The following ZNF730 variants were observed in gnomAD, a reference collection of about 807,000 sequenced individuals.
The protein encoded by ZNF730 is zinc finger protein 730.
Under a neutral mutation model 12.6 loss-of-function variants are expected in ZNF730, and 12 were observed. That is an observed-to-expected ratio of 0.95 (90% CI 0.61 to 1.54). The LOEUF (loss-of-function observed/expected upper bound fraction) is 1.54. ZNF730 is among the 40% of genes most tolerant of loss of function. ZNF730 has a pLI of 0.00. For synonymous variants in ZNF730, 194 were observed against 195.8 expected (o/e 0.99, Z 0.08); for missense variants, 643 against 583.5 (o/e 1.10, Z -1.05).
intron 1 of ZNF730, chr19:23,126,761 T>A (rs1339841647): frequency 1.8e-5 from 9 of 490,246 alleles, no homozygotes; most frequent in Non-Finnish European, 2.8e-5. Context: ...TCTGACTACA[T>A]AATTGTTGGG....
chr19:23,120,948 T>G (rs144442313), intron 1 of ZNF730, among the ~76,000 whole-genome samples: 20 of 152,356 alleles, frequency 1.3e-4, no homozygotes, highest in Admixed American at 2.6e-4. Flanking sequence ...CTTAATTTCA[T>G]TATTTATTCA....
At chr19:23,108,481 AGCAGC>A (rs969588708) in intron 1 of ZNF730, among the ~76,000 whole-genome samples, 1 of 152,204 alleles carries the variant, frequency 6.6e-6, no homozygotes, top group African/African-American at 2.4e-5. Context: ...GATTTTGAAA[AGCAGC>A]GCTGCCATTG....
intron 1 of ZNF730, chr19:23,095,528 C>CT: frequency 2.5e-6 from 1 of 398,328 alleles, no homozygotes; most frequent in East Asian, 3.6e-5. Context: ...TCACATGACT[C>CT]TCCCCCTCTT....
intron 1 of ZNF730, among the ~76,000 whole-genome samples, chr19:23,079,180 A>G (rs1224239053): frequency 4.0e-5 from 6 of 151,644 alleles, no homozygotes; most frequent in African/African-American, 1.5e-4. Flanking sequence ...TCAATAAGGC[A>G]GAGTTTTGCT....
At chr19:23,076,735 C>T (rs1032066344) in intron 1 of ZNF730, among the ~76,000 whole-genome samples, 2 of 152,184 alleles carry the variant, frequency 1.3e-5, no homozygotes, top group Non-Finnish European at 1.5e-5. Context: ...TTAGGCACCA[C>T]TGGTGGGAGT....
At position 23,091,236 on chromosome 19, in the gene ZNF730, C is replaced by A. The variant is rs992106148; in HGVS notation, c.-94+15849C>A. 8.5e-5 allele frequency among the ~76,000 whole-genome samples: 13 copies of A among 152,288 alleles called. No individual in the cohort carries two copies. In the East Asian group the frequency reaches 1.7e-3, roughly 20 times the overall value. On this transcript the variant is annotated intron_variant, in intron 1 of 2. Transcript: ENST00000593635. ...GAAGTCAAGAATTGAGGTTTAGGAA[C>A]CTCCACCTAGATTTCAGAAAATGTA...
chr19:23,105,108 T>A (rs1970377710), intron 1 of ZNF730, among the ~76,000 whole-genome samples: 1 of 102,074 alleles, frequency 9.8e-6, no homozygotes, highest in Admixed American at 1.2e-4. Context: ...CTGTTATGAT[T>A]TTTTCTTTTC....
chr19:23,125,523 G>A (rs1461907321), intron 1 of ZNF730: 1 of 152,228 alleles, frequency 6.6e-6, no homozygotes, highest in Non-Finnish European at 1.5e-5. Context: ...TTTTAGCAAA[G>A]AGACTGGTGT....
intron 3 of ZNF730, chr19:23,144,320 T>C (rs1489475987): frequency 1.3e-5 from 2 of 152,186 alleles, no homozygotes; most frequent in Non-Finnish European, 2.9e-5. Context: ...GGCTAGACAT[T>C]CTGGGAGTCT....
intron 1 of ZNF730, among the ~76,000 whole-genome samples, chr19:23,084,785 C>T (rs1372013098): frequency 6.6e-6 from 1 of 152,024 alleles, no homozygotes; most frequent in East Asian, 1.9e-4. Flanking sequence ...CTGCAAAGGA[C>T]ATGATCTCAT....
chr19:23,109,095 G>C (rs1970429696), intron 1 of ZNF730, among the ~76,000 whole-genome samples: 1 of 151,212 alleles, frequency 6.6e-6, no homozygotes, highest in South Asian at 2.1e-4. Context: ...GGATGCTATA[G>C]AGTGCCAATG....
intron 1 of ZNF730, among the ~76,000 whole-genome samples, chr19:23,128,937 T>C (rs1970707204): frequency 1.3e-5 from 2 of 152,102 alleles, no homozygotes; most frequent in Non-Finnish European, 2.9e-5. Flanking sequence ...GCCACTACAG[T>C]CATGGCTAAA....
chr19:23,127,547 T>A, intron 1 of ZNF730: 1 of 910,812 alleles, frequency 1.1e-6, no homozygotes, highest in African/African-American at 1.6e-5. Context: ...ATAGTCTTCA[T>A]TTTTAACAAA....
chr19:23,136,512 C>T (rs1225269258), intron 3 of ZNF730, among the ~76,000 whole-genome samples: 2 of 152,134 alleles, frequency 1.3e-5, no homozygotes, highest in Non-Finnish European at 2.9e-5. Flanking sequence ...TCATGTGATT[C>T]TCCTGCCTCA....
chr19:23,096,233 G>A (rs1273109971), intron 1 of ZNF730, among the ~76,000 whole-genome samples: 1 of 152,100 alleles, frequency 6.6e-6, no homozygotes, highest in Admixed American at 6.6e-5. Context: ...TCTAGGTGAT[G>A]TAACTCTACT....
intron 2 of ZNF730, among the ~76,000 whole-genome samples, chr19:23,134,764 C>T (rs1970802588): frequency 7.2e-6 from 1 of 139,040 alleles, no homozygotes; most frequent in Admixed American, 7.1e-5. Flanking sequence ...ATGACAATGG[C>T]GGTTTTGTGG....
At chr19:23,111,783 A>G (rs1036334940) in intron 1 of ZNF730, among the ~76,000 whole-genome samples, 6 of 152,230 alleles carry the variant, frequency 3.9e-5, no homozygotes, top group Middle Eastern at 3.4e-3. Flanking sequence ...AGTATTGAGC[A>G]AAACTAACTA....
chr19:23,114,574 G>A (rs1473762803), upstream of ZNF730, among the ~76,000 whole-genome samples: 2 of 151,006 alleles, frequency 1.3e-5, no homozygotes, highest in Non-Finnish European at 2.9e-5. Flanking sequence ...GGATGGTCTC[G>A]ATCTCCTGAC....
chr19:23,087,606 T>G (rs1410171067), intron 1 of ZNF730, among the ~76,000 whole-genome samples: 4 of 151,512 alleles, frequency 2.6e-5, no homozygotes, highest in African/African-American at 7.3e-5. Context: ...TTATTTTTCT[T>G]GTCTTTTCTT....
Sources: gnomAD v4.1 joint callset for allele counts (sites outside exome capture counted in the v4.1 genomes callset) on GRCh38, gnomAD v4.1.1 for gene constraint, MANE v1.5 for transcripts, NCBI Gene and HGNC (gene_info 2026-07-23, HGNC 2026-07-21) for gene names.